ATG9B: variants seen among roughly 807,000 people sequenced by gnomAD.
ATG9B encodes the protein autophagy related 9B.
Under a neutral mutation model 92.9 loss-of-function variants are expected in ATG9B, and 92 were observed. That is an observed-to-expected ratio of 0.99 (90% CI 0.84 to 1.18). The LOEUF (loss-of-function observed/expected upper bound fraction) is 1.18, where lower values mean the gene tolerates loss of function less well. ATG9B is among the 50% of genes most tolerant of loss of function. The probability of loss-of-function intolerance (pLI) is 0.00; values close to 1 mark genes in which losing one functional copy is unlikely to be tolerated. For synonymous variants in ATG9B, 599 were observed against 551.4 expected, an observed-to-expected ratio of 1.09 and a Z score of -1.21; for missense variants, 1,344 against 1,235.0, an observed-to-expected ratio of 1.09 and a Z score of -1.32.
chr7:151,018,298 C>T lies in ATG9B; in HGVS notation c.1868G>A (p.Arg623Gln). ...YRQMAQLLQY[R>Q]AVSLLEELLS... Reference sequence around the variant, plus strand: ...CGCCGTCGCGCCCACCCTCACCGCTCGGTACTGCAGCAGCTGCGCCATCTG... The same window carrying T: ...CGCCGTCGCGCCCACCCTCACCGCTTGGTACTGCAGCAGCTGCGCCATCTG... The change falls in exon 7 of 14, where the codon CGA (arginine) becomes CAA (glutamine). Residue 623 changes from arginine (R) to glutamine (Q), a missense_variant. By Grantham distance (43) the Arg-to-Gln change is conservative. Coordinates refer to ENST00000639579, the MANE Select transcript of ATG9B (RefSeq NM_001317056.2). This position sits in a 1 kb window ranked among gnomAD's most constrained non-coding sequence, Gnocchi z 4.7. The T allele has an allele frequency of 3.2e-6, 5 of 1,554,254 alleles. No homozygotes were observed. The highest frequency in any genetic ancestry group is 4.3e-6 in the Non-Finnish European group (5 of 1,159,114).
chr7:151,017,932 G>GCCACAT lies in ATG9B; in HGVS notation c.1985_1990dup (p.Asp662_Val663dup), dbSNP rs765972021. 6.2e-6 allele frequency: 10 copies of GCCACAT among 1,610,190 alleles called. No homozygotes were observed. The highest frequency in any genetic ancestry group is 8.5e-6 in the Non-Finnish European group (10 of 1,178,234). On this transcript the variant is annotated inframe_insertion, in exon 8 of 14. Coordinates refer to ENST00000639579, the MANE Select transcript of ATG9B (RefSeq NM_001317056.2). ...AAAGGAACAGATGTCCCCAACCCCA[G>GCCACAT]CCACATCCACAGTGAAGTGATGAAA...
intron 4 of ATG9B, 28 bp from the exon 5 acceptor site, chr7:151,021,357 G>T (rs921787073): frequency 6.4e-7 from 1 of 1,552,246 alleles, no homozygotes; most frequent in South Asian, 1.2e-5. Context: ...GGCAGTGGGG[G>T]AGAAAGGTGG....
downstream of ATG9B, chr7:151,013,824 T>C: frequency 6.2e-7 from 1 of 1,609,330 alleles, no homozygotes; most frequent in Admixed American, 1.7e-5. Flanking sequence ...GATGTTACCA[T>C]GGCAACCAAC....
At position 151,018,338 on chromosome 7, in the gene ATG9B, C is replaced by T. The variant is rs1330362266; in HGVS notation, c.1828G>A (p.Asp610Asn). The part of the protein sequence containing the change: ...LPEEPGPGGR[D>N]RAYRQMAQLL... ...TGCGCCATCTGCCGGTAGGCGCGGT[C>T]CCTGCCGCCGGGGCCGGGCTCCTCC... The change falls in exon 7 of 14, where the codon GAC (aspartate) becomes AAC (asparagine). Residue 610 changes from aspartate to asparagine, a missense_variant. Coordinates refer to ENST00000639579, the MANE Select transcript of ATG9B (RefSeq NM_001317056.2). The surrounding 1 kb of genome is among the most constrained non-coding windows in gnomAD (Gnocchi z 4.7). 1 of 1,594,528 alleles carries T rather than the reference C, an allele frequency of 6.3e-7. No individual in the cohort carries two copies. The highest frequency in any genetic ancestry group is 1.1e-5 in the South Asian group (1 of 88,800).
Position 151,021,204 on chromosome 7 carries a change from G to A in ATG9B, c.947C>T (p.Ala316Val), listed in dbSNP as rs778796780. 8 of 1,613,310 alleles carry A rather than the reference G, an allele frequency of 5.0e-6. No homozygotes were observed. Among genetic ancestry groups the A allele is most frequent in the African/African-American group, 1.3e-5 (1 of 74,892 alleles). The change falls in exon 5 of 14, where the codon GCC becomes GTC. Residue 316 changes from alanine to valine, a missense_variant. Coordinates refer to ENST00000639579, the MANE Select transcript of ATG9B (RefSeq NM_001317056.2). ...YWDIQVFYREALHIPPEELSS... is the reference protein window; with the variant it reads ...YWDIQVFYREVLHIPPEELSS... ...CCAGCTCACCGGGGGGATGTGCAGG[G>A]CCTCCCTGTAAAACACCTGGATGTC...
downstream of ATG9B, chr7:151,013,748 A>ACGGAGCTGGCTGCGGAGGTGCAC: frequency 6.2e-7 from 1 of 1,610,320 alleles, no homozygotes; most frequent in South Asian, 1.1e-5. Context: ...CATCCTGAGG[A>ACGGAGCTGGCTGCGGAGGTGCAC]CGGAGCTGGC....
chr7:151,020,317 A>G (rs964145924), intron 5 of ATG9B: 3 of 152,752 alleles, frequency 2.0e-5, no homozygotes, highest in Non-Finnish European at 2.9e-5. Context: ...TGGCCTCTCC[A>G]GTACATCCCA....
In ATG9B at chr7:151,016,215, C is replaced by T; in HGVS notation, c.2541G>A (p.Gln847=). The T allele has an allele frequency of 6.7e-7, 1 of 1,493,016 alleles. No individual in the cohort carries two copies. The highest frequency in any genetic ancestry group is 8.9e-7 in the Non-Finnish European group (1 of 1,117,970). The allele number at this position is 1,493,016 out of a possible 1,614,324, so 92.5% of individuals were successfully genotyped here. Residue 847 remains glutamine (Q), a synonymous_variant, in exon 12 of 14, where the codon CAG becomes CAA. Coordinates refer to ENST00000639579, the MANE Select transcript of ATG9B (RefSeq NM_001317056.2). ...CTGCAGCCTCACCCCACGGCTCCTG[C>T]TGCTGCTGCTGCTGGTGAAGCTGCA... ...YLHQLHQQQQ[Q]QEPWGEAAAS... is the part of the protein sequence containing the mutation.
downstream of ATG9B, chr7:151,013,915 G>A (rs776302895): frequency 2.5e-6 from 4 of 1,599,746 alleles, no homozygotes; most frequent in East Asian, 2.3e-5. Flanking sequence ...TCGGCGTGCT[G>A]CGGGTGCGGA....
rs1431569164 is a variant in ATG9B, at chr7:151,018,802, G to A, written c.1536C>T (p.Ala512=). The change falls in exon 6 of 14, where the codon GCC becomes GCT. Residue 512 remains alanine (A), a synonymous_variant. Transcript: ENST00000639579. The surrounding 1 kb of genome is among the most constrained non-coding windows in gnomAD (Gnocchi z 4.7). ...CGGGGGGCGCAGCGGTGCGCAGGAA[G>A]GCGGCGGCGGGGCGGTAGGCGCGGG... is the stretch of plus-strand genomic sequence containing the variant. ...RLARAYRPAA[A]FLRTAAPPAP... 34 of 1,306,420 alleles carry A rather than the reference G, an allele frequency of 2.6e-5. No homozygotes were observed. The highest frequency in any genetic ancestry group is 4.1e-5 in the Admixed American group (1 of 24,258). The allele number at this position is 1,306,420 out of a possible 1,614,324, so 80.9% of individuals were successfully genotyped here.
intron 5 of ATG9B, 127 bp from the exon 6 acceptor site, chr7:151,019,501 A>T: frequency 7.9e-7 from 1 of 1,266,540 alleles, no homozygotes; most frequent in Non-Finnish European, 1.0e-6. Context: ...ACTCGCCATG[A>T]CCAAGCTACA....
Position 151,015,578 on chromosome 7 carries a change from G to T in ATG9B, c.*150C>A. 1 of 266,976 alleles carries T rather than the reference G, an allele frequency of 3.7e-6. No individual in the cohort carries two copies. The highest frequency in any genetic ancestry group is 7.0e-6 in the Non-Finnish European group (1 of 142,404). The allele number at this position is 266,976 out of a possible 1,614,324, so 16.5% of individuals were successfully genotyped here. A position where few individuals can be genotyped will look rare whatever the true frequency, so the allele number is the denominator to read the frequency against. On this transcript the variant is annotated 3_prime_UTR_variant, in exon 14 of 14. Transcript: ENST00000639579. Reference sequence around the variant, plus strand: ...TTGCCTACCTTTTCTCTGTTCTCGGGGCGAGTTCCTCACTGACTCCCAGGT... The same window carrying T: ...TTGCCTACCTTTTCTCTGTTCTCGGTGCGAGTTCCTCACTGACTCCCAGGT...
At position 151,018,508 on chromosome 7, in the gene ATG9B, T is replaced by C. The variant is rs1795605983; in HGVS notation, c.1719-61A>G. 7 of 1,516,550 alleles carry C rather than the reference T, an allele frequency of 4.6e-6. No individual in the cohort carries two copies. Among genetic ancestry groups the C allele is most frequent in the Admixed American group, 2.1e-5 (1 of 46,912 alleles). 93.9% of individuals were successfully genotyped at this position (1,516,550 alleles called of 1,614,324 possible). A position where few individuals can be genotyped will look rare whatever the true frequency, so the allele number is the denominator to read the frequency against. Reference sequence around the variant, plus strand: ...GATTAGGAGGACGCGCGGTGGGATGTAGGGCTAGAGGGCCCCAGTGGTGGG... The same window carrying C: ...GATTAGGAGGACGCGCGGTGGGATGCAGGGCTAGAGGGCCCCAGTGGTGGG... On this transcript the variant is annotated intron_variant, in intron 6 of 13. Transcript: ENST00000639579. The surrounding 1 kb of genome is among the most constrained non-coding windows in gnomAD (Gnocchi z 4.7).
intron 12 of ATG9B, 33 bp from the exon 13 acceptor site, chr7:151,016,056 A>C: frequency 6.5e-7 from 1 of 1,549,812 alleles, no homozygotes; most frequent in Non-Finnish European, 8.7e-7. Flanking sequence ...GGGCAGTTCC[A>C]TGATGCCCAG....
rs1000204701 is a variant in ATG9B at position 151,018,256 on chromosome 7, CA to C, written c.1872+37del. ...AGACCCTCCGCGCAGACAGACCCCA[CA>C]ACTTCCTCCTCAGCCCGCCGTCGCG... On this transcript the variant is annotated intron_variant, in intron 7 of 13. Transcript: ENST00000639579. The surrounding 1 kb of genome is among the most constrained non-coding windows in gnomAD (Gnocchi z 4.7). The C allele has an allele frequency of 1.3e-6, 2 of 1,516,014 alleles. No individual in the cohort carries two copies. Among genetic ancestry groups the C allele is most frequent in the African/African-American group, 2.8e-5 (2 of 72,006 alleles). The allele number at this position is 1,516,014 out of a possible 1,614,324, so 93.9% of individuals were successfully genotyped here.
chr7:151,016,418 C>T lies in ATG9B; in HGVS notation c.2520+13G>A. 1 of 1,550,668 alleles carries T rather than the reference C, an allele frequency of 6.4e-7. No individual in the cohort carries two copies. Among genetic ancestry groups the T allele is most frequent in the Non-Finnish European group, 8.7e-7 (1 of 1,146,268 alleles). On this transcript the variant is annotated intron_variant, in intron 11 of 13. Coordinates refer to ENST00000639579, the MANE Select transcript of ATG9B (RefSeq NM_001317056.2). ...TCTCTCCACATTTCTCCTTTGGGCA[C>T]CCCTCTACTCACCTGGTGCAGGTAG... is the stretch of plus-strand genomic sequence containing the variant.
At chr7:151,013,937 G>A (rs1425542774), downstream of ATG9B, 2 of 1,599,430 alleles carry the variant, frequency 1.3e-6, no homozygotes, top group East Asian at 4.5e-5. Flanking sequence ...GGGCGGGCCG[G>A]GCCTGAGCGT....
rs1584924666 is a variant in ATG9B, at chr7:151,018,260, TTCC to T, written c.1872+31_1872+33del. On this transcript the variant is annotated intron_variant, in intron 7 of 13. Coordinates refer to ENST00000639579, the MANE Select transcript of ATG9B (RefSeq NM_001317056.2). The surrounding 1 kb of genome is among the most constrained non-coding windows in gnomAD (Gnocchi z 4.7). ...CCTCCGCGCAGACAGACCCCACAAC[TTCC>T]TCCTCAGCCCGCCGTCGCGCCCACC... is the stretch of plus-strand genomic sequence containing the variant. 1 of 1,515,358 alleles carries T rather than the reference TTCC, an allele frequency of 6.6e-7. No homozygotes were observed. The highest frequency in any genetic ancestry group is 1.3e-5 in the South Asian group (1 of 76,570). 93.9% of individuals were successfully genotyped at this position (1,515,358 alleles called of 1,614,324 possible).
rs1795630035 is a variant in ATG9B at position 151,018,850 on chromosome 7, C to A, written c.1488G>T (p.Pro496=). 3.1e-6 allele frequency: 4 copies of A among 1,308,810 alleles called. No individual in the cohort carries two copies. Among genetic ancestry groups the A allele is most frequent in the Non-Finnish European group, 3.9e-6 (4 of 1,032,928 alleles). 81.1% of individuals were successfully genotyped at this position (1,308,810 alleles called of 1,614,324 possible). A position where few individuals can be genotyped will look rare whatever the true frequency, so the allele number is the denominator to read the frequency against. The change falls in exon 6 of 14, where the codon CCG becomes CCT. Residue 496 remains proline, a synonymous_variant. Coordinates refer to ENST00000639579, the MANE Select transcript of ATG9B (RefSeq NM_001317056.2). The surrounding 1 kb of genome is among the most constrained non-coding windows in gnomAD (Gnocchi z 4.7). ...GGGCCAGGCGCGCGCGCAGCTCGTG[C>A]GGCAGCTCGTTGAAGTGGCGCAGCT... The part of the protein sequence containing the change: ...RLQLRHFNEL[P]HELRARLARA...
Sources: allele counts gnomAD v4.1 joint callset, GRCh38; gene constraint gnomAD v4.1.1; non-coding constraint Gnocchi (gnomAD v3.1); transcripts MANE v1.5; gene names NCBI Gene and HGNC (gene_info 2026-07-23, HGNC 2026-07-21).